Variants in CTDSP2 observed in about 807,000 individuals in gnomAD.
CTDSP2 encodes the protein CTD small phosphatase 2, also known as carboxy-terminal domain RNA polymerase II polypeptide A small phosphatase 2.
A neutral mutation model predicts 31.6 loss-of-function variants in CTDSP2; 9 were observed. That is an observed-to-expected ratio of 0.28 (90% CI 0.17 to 0.50). The LOEUF (loss-of-function observed/expected upper bound fraction) is 0.50, where lower values mean the gene tolerates loss of function less well. Among genes scored for constraint, CTDSP2 ranks in the 20% least tolerant of loss-of-function variants. The probability of loss-of-function intolerance (pLI) is 0.98; values close to 1 mark genes in which losing one functional copy is unlikely to be tolerated. For missense variants in CTDSP2, 267 were observed against 348.5 expected, an observed-to-expected ratio of 0.77 and a Z score of 1.86; for synonymous variants, 134 against 134.5, an observed-to-expected ratio of 1.00 and a Z score of 0.03.
chr12:57,829,725 AC>A, intron 1 of CTDSP2, 129 bp from the exon 2 acceptor site: 1 of 693,900 alleles, frequency 1.4e-6, no homozygotes, highest in Non-Finnish European at 2.5e-6. Context: ...CTGGTGAACA[AC>A]CACATACAGT....
At chr12:57,843,605 T>C (rs754629088) in intron 1 of CTDSP2, among the ~76,000 whole-genome samples, 1 of 152,158 alleles carries the variant, frequency 6.6e-6, no homozygotes, top group African/African-American at 2.4e-5. Flanking sequence ...TTTGTTTCTT[T>C]CCAGAAATTT....
intron 1 of CTDSP2, among the ~76,000 whole-genome samples, chr12:57,840,430 T>C (rs1217042074): frequency 3.3e-5 from 5 of 152,198 alleles, no homozygotes. Context: ...GATCCAGTTT[T>C]CTTCTCTAGG....
Position 57,828,360 on chromosome 12 carries a change from G to A in CTDSP2, c.214-770C>T, listed in dbSNP as rs544866972. ...CTTGAACCCGGGAGGCGGAGGTTGC[G>A]GTGAGCCAAGATCGCACGCCATTGC... On this transcript the variant is annotated intron_variant, in intron 2 of 7. Coordinates refer to ENST00000398073, the MANE Select transcript of CTDSP2 (RefSeq NM_005730.4). Among the ~76,000 whole-genome samples the A allele has an allele frequency of 1.1e-4, 16 of 151,624 alleles. No individual in the cohort carries two copies. The South Asian group carries it at 2.3e-3, about 22-fold the overall frequency.
intron 5 of CTDSP2, 146 bp downstream of exon 5, chr12:57,826,200 C>A: frequency 1.9e-6 from 1 of 533,200 alleles, no homozygotes; most frequent in East Asian, 3.0e-5. Context: ...GTGAAAGATA[C>A]CAATAAAAAG....
intron 1 of CTDSP2, among the ~76,000 whole-genome samples, chr12:57,845,770 T>G (rs1172260645): frequency 6.6e-6 from 1 of 151,974 alleles, no homozygotes; most frequent in East Asian, 1.9e-4. Context: ...GGGCCTGCGC[T>G]GAGCCGGGAA....
At position 57,829,382 on chromosome 12, in the gene CTDSP2, C is replaced by T. The variant is rs116754788; in HGVS notation, c.213+66G>A. 176 of 1,564,262 alleles carry T rather than the reference C, an allele frequency of 1.1e-4. No homozygotes were observed. The African/African-American group carries it at 1.9e-3, about 17-fold the overall frequency. On this transcript the variant is annotated intron_variant, in intron 2 of 7. Coordinates refer to ENST00000398073, the MANE Select transcript of CTDSP2 (RefSeq NM_005730.4). The stretch of plus-strand genomic sequence containing the variant: ...CAAAGCTTCCTTGTCCGGTTGCCAT[C>T]GTCTGCAGGGATCTCCCATTAACAG...
At position 57,823,913 on chromosome 12, in the gene CTDSP2, G is replaced by A. The variant is rs184941879; in HGVS notation, c.681C>T (p.Pro227=). The A allele has an allele frequency of 2.6e-5, 42 of 1,613,990 alleles. No homozygotes were observed. In the East Asian group the frequency reaches 4.9e-4, roughly 19 times the overall value. Residue 227 remains proline (P), a synonymous_variant, in exon 7 of 8, where the codon CCC becomes CCT. Transcript: ENST00000398073. ...DNSPASYIFH[P]ENAVPVQSWF... ...CATCAGGAGCACTCACTGCATTCTC[G>A]GGGTGGAATATGTAAGAAGCAGGCG...
chr12:57,831,714 G>A lies in CTDSP2; in HGVS notation c.65-2118C>T, dbSNP rs557184500. Among the ~76,000 whole-genome samples, 20 of 152,294 alleles carry A rather than the reference G, an allele frequency of 1.3e-4. No homozygotes were observed. The South Asian group carries it at 3.5e-3, about 27-fold the overall frequency. ...GGGCAAACTACTGTGCAGGAAAATG[G>A]ATGCCGGAAATGCCTCTGTCTTTGT... On this transcript the variant is annotated intron_variant, in intron 1 of 7. Transcript: ENST00000398073.
chr12:57,831,474 G>C (rs182979679), intron 1 of CTDSP2, among the ~76,000 whole-genome samples: 1 of 152,170 alleles, frequency 6.6e-6, no homozygotes, highest in East Asian at 1.9e-4. Context: ...ATTATCTTTT[G>C]CAAGTTCCTT....
chr12:57,835,866 G>A (rs1956244704), intron 1 of CTDSP2, among the ~76,000 whole-genome samples: 1 of 152,198 alleles, frequency 6.6e-6, no homozygotes, highest in African/African-American at 2.4e-5. Context: ...GCCAGTTACT[G>A]ACTCAGCCAC....
At chr12:57,839,234 C>A (rs1445797708) in intron 1 of CTDSP2, among the ~76,000 whole-genome samples, 1 of 152,210 alleles carries the variant, frequency 6.6e-6, no homozygotes, top group Non-Finnish European at 1.5e-5. Context: ...AAGTACTGAT[C>A]TAGAAGTCAG....
intron 1 of CTDSP2, among the ~76,000 whole-genome samples, chr12:57,833,918 T>G (rs1956231488): frequency 6.6e-6 from 1 of 152,194 alleles, no homozygotes; most frequent in Non-Finnish European, 1.5e-5. Context: ...CCTCATTTAA[T>G]CCTTACTATT....
chr12:57,833,620 C>T (rs1290019876), intron 1 of CTDSP2, among the ~76,000 whole-genome samples: 2 of 152,236 alleles, frequency 1.3e-5, no homozygotes, highest in African/African-American at 2.4e-5. Flanking sequence ...CATCAGCCTC[C>T]GTGACCCTCT....
chr12:57,834,897 C>T (rs1305674358), intron 1 of CTDSP2, among the ~76,000 whole-genome samples: 2 of 152,028 alleles, frequency 1.3e-5, no homozygotes, highest in African/African-American at 2.4e-5. Context: ...CCGAGGCGGG[C>T]GGATCACCTG....
chr12:57,836,592 T>C (rs1386052768), intron 1 of CTDSP2, among the ~76,000 whole-genome samples: 1 of 151,846 alleles, frequency 6.6e-6, no homozygotes, highest in Non-Finnish European at 1.5e-5. Context: ...CGGTAAGCCG[T>C]GATTGCACCA....
intron 1 of CTDSP2, 116 bp from the exon 2 acceptor site, chr12:57,829,712 C>A (rs758352911): frequency 1.9e-5 from 16 of 831,780 alleles, no homozygotes; most frequent in Non-Finnish European, 2.9e-5. Context: ...ACACAGTATA[C>A]GGCTGGTGAA....
chr12:57,829,333 G>T, intron 2 of CTDSP2, 115 bp downstream of exon 2: 1 of 1,245,424 alleles, frequency 8.0e-7, no homozygotes, highest in Non-Finnish European at 1.1e-6. Context: ...CCCCCTCTCA[G>T]CCAGAAATCT....
At chr12:57,835,752 AG>A (rs1956243817) in intron 1 of CTDSP2, among the ~76,000 whole-genome samples, 1 of 152,172 alleles carries the variant, frequency 6.6e-6, no homozygotes, top group East Asian at 1.9e-4. Context: ...CCAGCCATCC[AG>A]CTCACTGCTG....
At chr12:57,832,790 T>TAAAAAAAAAAAAAAAAAA (rs61390174) in intron 1 of CTDSP2, among the ~76,000 whole-genome samples, 3 of 44,896 alleles carry the variant, frequency 6.7e-5, no homozygotes, top group Non-Finnish European at 7.5e-5. Context: ...AGACTCTGGC[T>TAAAAAAAAAAAAAAAAAA]AAAAAAAAAA....
Sources: allele counts gnomAD v4.1 joint callset (sites outside exome capture counted in the v4.1 genomes callset), GRCh38; gene constraint gnomAD v4.1.1; transcripts MANE v1.5; gene names NCBI Gene and HGNC (gene_info 2026-07-23, HGNC 2026-07-21).